The following WAPL variants were observed in gnomAD, a reference collection of about 807,000 sequenced individuals.
WAPL encodes wings apart-like protein homolog.
WAPL carries 5 observed loss-of-function variants against 121.0 expected under a neutral mutation model. That is an observed-to-expected ratio of 0.04 (90% CI 0.02 to 0.09). The LOEUF (loss-of-function observed/expected upper bound fraction) is 0.09. WAPL is among the 10% of genes least tolerant of loss of function. The pLI, the probability that WAPL is intolerant of heterozygous loss-of-function variation, is 1.00. For synonymous variants in WAPL, 480 were observed against 481.5 expected, an observed-to-expected ratio of 1.00 and a Z score of 0.04; for missense variants, 999 against 1,410.8, an observed-to-expected ratio of 0.71 and a Z score of 4.68.
rs756725842 is a variant in WAPL, at chr10:86,451,952, A to G, written c.3114+15T>C. 14 of 1,610,192 alleles carry G rather than the reference A, an allele frequency of 8.7e-6. No individual in the cohort carries two copies. The highest frequency in any genetic ancestry group is 1.3e-5 in the African/African-American group (1 of 74,598). ...AAACTGCAGTTATGAGTTTGTTTTTAAAGTGGTTGCTTACCTGCACTAAAG... is the reference window on the plus strand; with the variant it reads ...AAACTGCAGTTATGAGTTTGTTTTTGAAGTGGTTGCTTACCTGCACTAAAG... On this transcript the variant is annotated intron_variant, in intron 15 of 18. Coordinates refer to ENST00000298767, the MANE Select transcript of WAPL (RefSeq NM_015045.5).
chr10:86,520,436 T>A (rs1842652770), intron 1 of WAPL, among the ~76,000 whole-genome samples: 1 of 152,202 alleles, frequency 6.6e-6, no homozygotes, highest in Admixed American at 6.5e-5. Flanking sequence ...AATAAATTTG[T>A]TTAATAGTCA....
intron 16 of WAPL, among the ~76,000 whole-genome samples, chr10:86,445,861 A>G (rs1292577474): frequency 6.6e-6 from 1 of 152,166 alleles, no homozygotes; most frequent in Admixed American, 6.5e-5. Context: ...ACACTTTGAG[A>G]ACTATTACTG....
Position 86,472,821 on chromosome 10 carries a change from T to A in WAPL, c.1741-57A>T. On this transcript the variant is annotated intron_variant, in intron 5 of 18. Coordinates refer to ENST00000298767, the MANE Select transcript of WAPL (RefSeq NM_015045.5). This position sits in a 1 kb window ranked among gnomAD's most constrained non-coding sequence, Gnocchi z 4.2. ...AAATAAATATATAAAAATAGGAACG[T>A]CTCATCTATCTGGCAAATTCAGCTT... The A allele has an allele frequency of 6.8e-7, 1 of 1,465,130 alleles. No homozygotes were observed. Among genetic ancestry groups the A allele is most frequent in the East Asian group, 2.5e-5 (1 of 39,884 alleles). 90.8% of individuals were successfully genotyped at this position (1,465,130 alleles called of 1,614,324 possible).
rs1589540240 is a variant in WAPL, at chr10:86,510,090, T to C, written c.499+7481A>G. 2.1e-5 allele frequency among the ~76,000 whole-genome samples: 3 copies of C among 144,638 alleles called. No homozygotes were observed. In the South Asian group the frequency reaches 6.8e-4, roughly 33 times the overall value. 94.9% of individuals were successfully genotyped at this position (144,638 alleles called of 152,430 possible). A position where few individuals can be genotyped will look rare whatever the true frequency, so the allele number is the denominator to read the frequency against. The stretch of plus-strand genomic sequence containing the variant: ...GGCCTTTTTTTTTTTTTTTTTTTTT[T>C]TTGAGACAGAGTCTCGTTCTGTTGC... On this transcript the variant is annotated intron_variant, in intron 2 of 18. Transcript: ENST00000298767.
intron 4 of WAPL, among the ~76,000 whole-genome samples, chr10:86,488,878 T>A (rs1438708095): frequency 6.6e-6 from 1 of 152,168 alleles, no homozygotes; most frequent in African/African-American, 2.4e-5. Flanking sequence ...AAAAACTGAC[T>A]CAGGCAACAA....
intron 2 of WAPL, among the ~76,000 whole-genome samples, chr10:86,509,116 C>A (rs1338102110): frequency 6.6e-6 from 1 of 152,144 alleles, no homozygotes; most frequent in Non-Finnish European, 1.5e-5. Context: ...TTCAACTAAT[C>A]CTTTCTTTCC....
At chr10:86,513,722 C>T (rs35286372) in intron 2 of WAPL, among the ~76,000 whole-genome samples, 10,176 of 152,228 alleles carry the variant, frequency 0.067, 643 homozygotes, top group East Asian at 0.38. Flanking sequence ...CACTTAAAAA[C>T]GTAATGCCAG....
intron 9 of WAPL, among the ~76,000 whole-genome samples, chr10:86,463,667 G>A (rs895723993): frequency 4.6e-5 from 7 of 152,294 alleles, no homozygotes; most frequent in African/African-American, 1.7e-4. Context: ...CTACAGTAGT[G>A]TGCCGTCATG....
chr10:86,445,366 T>G (rs549343510), intron 16 of WAPL, among the ~76,000 whole-genome samples: 1 of 152,344 alleles, frequency 6.6e-6, no homozygotes, highest in East Asian at 1.9e-4. Flanking sequence ...GGAACCCACA[T>G]GTATGGAGGG....
Position 86,472,524 on chromosome 10 carries a change from TA to T in WAPL, c.1893+87del. The T allele has an allele frequency of 6.4e-7, 1 of 1,557,324 alleles. No individual in the cohort carries two copies. Among genetic ancestry groups the T allele is most frequent in the Non-Finnish European group, 8.7e-7 (1 of 1,151,026 alleles). ...TGTGGTTCAAAACTGAGTATCAGTA[TA>T]CTGATATTTGTTGAAGATATTAAAT... is the stretch of plus-strand genomic sequence containing the variant. On this transcript the variant is annotated intron_variant, in intron 6 of 18. Transcript: ENST00000298767. This position sits in a 1 kb window ranked among gnomAD's most constrained non-coding sequence, Gnocchi z 4.2.
chr10:86,454,301 A>T (rs563337550), intron 12 of WAPL, among the ~76,000 whole-genome samples: 17 of 152,328 alleles, frequency 1.1e-4, no homozygotes, highest in African/African-American at 4.1e-4. Flanking sequence ...AAGTTCATTC[A>T]AATTGACATG....
chr10:86,455,769 AAGAT>A (rs1472062189), intron 12 of WAPL, among the ~76,000 whole-genome samples: 1 of 152,120 alleles, frequency 6.6e-6, no homozygotes, highest in Non-Finnish European at 1.5e-5. Flanking sequence ...GACAGAATAA[AAGAT>A]AGAGCGTAAA....
At chr10:86,499,636 T>C in intron 3 of WAPL, 82 bp downstream of exon 3, 1 of 1,404,122 alleles carries the variant, frequency 7.1e-7, no homozygotes, top group Non-Finnish European at 9.6e-7. Context: ...TGGTTGACCT[T>C]GGGTAATTGA....
chr10:86,440,432 T>A (rs1020586949), intron 17 of WAPL, among the ~76,000 whole-genome samples: 3 of 150,118 alleles, frequency 2.0e-5, no homozygotes, highest in Non-Finnish European at 3.0e-5. Flanking sequence ...GGACTACAGG[T>A]GCCCACCACC....
chr10:86,460,081 G>A (rs1038399713), intron 11 of WAPL, among the ~76,000 whole-genome samples: 4 of 152,162 alleles, frequency 2.6e-5, no homozygotes, highest in African/African-American at 7.2e-5. Flanking sequence ...TCACTGCACT[G>A]TAGCCTGGGT....
intron 4 of WAPL, among the ~76,000 whole-genome samples, chr10:86,487,863 C>T (rs1161371505): frequency 6.6e-6 from 1 of 152,144 alleles, no homozygotes; most frequent in Non-Finnish European, 1.5e-5. Flanking sequence ...CCACTGCACT[C>T]CAGCCTGGGC....
rs201254405 is a variant in WAPL at position 86,462,716 on chromosome 10, C to T, written c.2371-1429G>A. Among the ~76,000 whole-genome samples the T allele has an allele frequency of 1.9e-4, 19 of 101,352 alleles. No individual in the cohort carries two copies. The East Asian group carries it at 5.0e-3, about 27-fold the overall frequency. The allele number at this position is 101,352 out of a possible 152,430, so 66.5% of individuals were successfully genotyped here. A position where few individuals can be genotyped will look rare whatever the true frequency, so the allele number is the denominator to read the frequency against. On this transcript the variant is annotated intron_variant, in intron 9 of 18. Transcript: ENST00000298767. ...CAACCTGGGCGACAGAGTGAGATCCCGTCTCAAAAAAAAAAAAAAAAAAAA... is the reference window on the plus strand; with the variant it reads ...CAACCTGGGCGACAGAGTGAGATCCTGTCTCAAAAAAAAAAAAAAAAAAAA...
chr10:86,463,671 C>T (rs770063976), intron 9 of WAPL, among the ~76,000 whole-genome samples: 21 of 152,118 alleles, frequency 1.4e-4, no homozygotes, highest in Non-Finnish European at 2.4e-4. Flanking sequence ...AGTAGTGTGC[C>T]GTCATGTCCT....
In WAPL at chr10:86,493,081, G is replaced by C. The variant is rs561006986; in HGVS notation, c.1644+4120C>G. On this transcript the variant is annotated intron_variant, in intron 4 of 18. Transcript: ENST00000298767. ...GTCTCAAAAAAAAAAAAAAAATTCA[G>C]GACCAAGGGGAATTTTTTTCAAAGG... 1.1e-4 allele frequency among the ~76,000 whole-genome samples: 16 copies of C among 151,422 alleles called. No homozygotes were observed. The South Asian group carries it at 3.1e-3, about 30-fold the overall frequency.
Sources: gnomAD v4.1 joint callset for allele counts (sites outside exome capture counted in the v4.1 genomes callset) on GRCh38, gnomAD v4.1.1 for gene constraint, Gnocchi (gnomAD v3.1) non-coding constraint, MANE v1.5 for transcripts, NCBI Gene and HGNC (gene_info 2026-07-23, HGNC 2026-07-21) for gene names.